The following TTC27 variants were observed in gnomAD, a reference collection of about 807,000 sequenced individuals.
TTC27 encodes the protein tetratricopeptide repeat protein 27.
TTC27 carries 79 observed loss-of-function variants against 115.9 expected under a neutral mutation model. That is an observed-to-expected ratio of 0.68 (90% CI 0.57 to 0.82). The LOEUF (loss-of-function observed/expected upper bound fraction) is 0.82. Ranked by LOEUF, TTC27 falls within the 40% of genes least tolerant of loss-of-function variation. The probability of loss-of-function intolerance (pLI) is 0.00; values close to 1 mark genes in which losing one functional copy is unlikely to be tolerated. For synonymous variants in TTC27, 401 were observed against 356.0 expected (o/e 1.13, Z -1.42); for missense variants, 1,054 against 993.1 (o/e 1.06, Z -0.82).
intron 12 of TTC27, among the ~76,000 whole-genome samples, chr2:32,737,794 G>C (rs1293699159): frequency 6.6e-6 from 1 of 152,002 alleles, no homozygotes; most frequent in African/African-American, 2.4e-5. Context: ...CTTGAGCCCA[G>C]GAGTTCAAGA....
chr2:32,806,581 C>G (rs540864905), intron 16 of TTC27, among the ~76,000 whole-genome samples: 145 of 152,118 alleles, frequency 9.5e-4, no homozygotes, highest in Middle Eastern at 6.8e-3. Context: ...GAGATCGAGA[C>G]CATCCTGGCT....
At chr2:32,747,724 G>C (rs558762077) in intron 12 of TTC27, among the ~76,000 whole-genome samples, 1 of 152,146 alleles carries the variant, frequency 6.6e-6, no homozygotes, top group Non-Finnish European at 1.5e-5. Flanking sequence ...ATAAATATTT[G>C]TAGAATGGTG....
chr2:32,727,213 C>G (rs1420723377), intron 10 of TTC27, among the ~76,000 whole-genome samples: 1 of 152,092 alleles, frequency 6.6e-6, no homozygotes, highest in Non-Finnish European at 1.5e-5. Flanking sequence ...AATATTGAGA[C>G]AAGATTTTTC....
At position 32,767,270 on chromosome 2, in the gene TTC27, A is replaced by T. The variant is rs376540779; in HGVS notation, c.1680+8751A>T. Reference sequence around the variant, plus strand: ...TTAATTGAATAAATTTATATCCTTTACTAGAGCAGACTGTAATAGAGGCCT... The same window carrying T: ...TTAATTGAATAAATTTATATCCTTTTCTAGAGCAGACTGTAATAGAGGCCT... On this transcript the variant is annotated intron_variant, in intron 13 of 19. Coordinates refer to ENST00000317907, the MANE Select transcript of TTC27 (RefSeq NM_017735.5). 2.0e-5 allele frequency among the ~76,000 whole-genome samples: 3 copies of T among 152,132 alleles called. No homozygotes were observed. The East Asian group carries it at 5.8e-4, about 29-fold the overall frequency.
intron 12 of TTC27, among the ~76,000 whole-genome samples, chr2:32,747,868 C>T (rs1294875386): frequency 1.3e-5 from 2 of 152,002 alleles, no homozygotes; most frequent in Non-Finnish European, 2.9e-5. Context: ...GTAGTAATGT[C>T]TCCTTTTCTT....
intron 14 of TTC27, among the ~76,000 whole-genome samples, chr2:32,779,860 A>G (rs535253549): frequency 6.6e-6 from 1 of 152,180 alleles, no homozygotes. Flanking sequence ...ATTCTTTTAC[A>G]TGTAGATATC....
At chr2:32,718,360 CAATT>C (rs1219834013) in intron 10 of TTC27, among the ~76,000 whole-genome samples, 2 of 151,966 alleles carry the variant, frequency 1.3e-5, no homozygotes, top group Non-Finnish European at 1.5e-5. Context: ...CCATTTTGAC[CAATT>C]AATAATATTT....
chr2:32,671,436 G>T (rs570176413), intron 7 of TTC27, among the ~76,000 whole-genome samples: 1 of 152,192 alleles, frequency 6.6e-6, no homozygotes, highest in South Asian at 2.1e-4. Flanking sequence ...GCCTCCCAAA[G>T]TTCTCTAATT....
rs1046932648 is a variant in TTC27 at position 32,664,350 on chromosome 2, G to T, written c.688G>T (p.Ala230Ser). Reference sequence around the variant, plus strand: ...TGTAGATGATTCAGGTCGATATTTGGCTATTCAATTCCATCTGGAATGTGC... The same window carrying T: ...TGTAGATGATTCAGGTCGATATTTGTCTATTCAATTCCATCTGGAATGTGC... ...LFVDDSGRYL[A>S]IQFHLECAYV... The change falls in exon 6 of 20, where the codon GCT (alanine) becomes TCT (serine). Residue 230 changes from alanine to serine, a missense_variant. Coordinates refer to ENST00000317907, the MANE Select transcript of TTC27 (RefSeq NM_017735.5). 6.2e-7 allele frequency: 1 copy of T among 1,610,596 alleles called. No individual in the cohort carries two copies. Among genetic ancestry groups the T allele is most frequent in the African/African-American group, 1.3e-5 (1 of 74,812 alleles).
In TTC27 at chr2:32,644,805, T is replaced by TTCCC. The variant is rs746119041; in HGVS notation, c.537+4415_537+4418dup. On this transcript the variant is annotated intron_variant, in intron 4 of 19. Coordinates refer to ENST00000317907, the MANE Select transcript of TTC27 (RefSeq NM_017735.5). ...TGGGTCTTTACTATATCATTCTTTTTTCCCTCCCTCCCTCCCTCCCTCCTT... is the reference window on the plus strand; with the variant it reads ...TGGGTCTTTACTATATCATTCTTTTTTCCCTCCCTCCCTCCCTCCCTCCCTCCTT... Among the ~76,000 whole-genome samples the TTCCC allele has an allele frequency of 7.9e-5, 12 of 151,240 alleles. No homozygotes were observed. In the East Asian group the frequency reaches 1.2e-3, roughly 15 times the overall value.
At chr2:32,682,732 G>T (rs1272870731) in intron 9 of TTC27, among the ~76,000 whole-genome samples, 1 of 149,090 alleles carries the variant, frequency 6.7e-6, no homozygotes, top group Non-Finnish European at 1.5e-5. Flanking sequence ...GCAATGGCGC[G>T]ATCTCAACTC....
At chr2:32,815,150 A>G (rs1355731450) in intron 18 of TTC27, among the ~76,000 whole-genome samples, 2 of 149,912 alleles carry the variant, frequency 1.3e-5, no homozygotes, top group African/African-American at 4.9e-5. Flanking sequence ...GCTCTTTGCC[A>G]TCCAGGAGTT....
chr2:32,649,614 G>A (rs1427513540), intron 4 of TTC27, among the ~76,000 whole-genome samples: 1 of 150,502 alleles, frequency 6.6e-6, no homozygotes, highest in Non-Finnish European at 1.5e-5. Flanking sequence ...GTGCATCCTC[G>A]GCTCACTGCA....
At chr2:32,686,808 G>T (rs1344532377) in intron 9 of TTC27, among the ~76,000 whole-genome samples, 1 of 152,008 alleles carries the variant, frequency 6.6e-6, no homozygotes, top group Non-Finnish European at 1.5e-5. Flanking sequence ...TTTTTTGCTT[G>T]GAAGAAGGGA....
At chr2:32,804,372 A>G (rs1049344620) in intron 16 of TTC27, among the ~76,000 whole-genome samples, 3 of 152,220 alleles carry the variant, frequency 2.0e-5, no homozygotes. Flanking sequence ...AAGGTTCAGT[A>G]ATAAAAAAGT....
intron 7 of TTC27, among the ~76,000 whole-genome samples, chr2:32,668,788 T>A (rs979154731): frequency 2.0e-5 from 3 of 151,900 alleles, no homozygotes; most frequent in African/African-American, 4.8e-5. Flanking sequence ...TATTTTATTT[T>A]AAAAATTTTG....
chr2:32,742,381 T>G (rs1309136246), intron 12 of TTC27, among the ~76,000 whole-genome samples: 1 of 152,238 alleles, frequency 6.6e-6, no homozygotes, highest in Non-Finnish European at 1.5e-5. Context: ...AAGCCTGTTT[T>G]TAATTACTCT....
chr2:32,763,515 G>A (rs1669517738), intron 13 of TTC27, among the ~76,000 whole-genome samples: 1 of 152,158 alleles, frequency 6.6e-6, no homozygotes. Flanking sequence ...AGTTGTATCT[G>A]GAAAGGGTTA....
rs536182220 is a variant in TTC27, at chr2:32,754,913, C to T, written c.1453-3379C>T. ...CCTCCCTCCCGGACGGGGTGGCTGC[C>T]GGGCGGGGATGCTCCTCACTTCCCA... On this transcript the variant is annotated intron_variant, in intron 12 of 19. Coordinates refer to ENST00000317907, the MANE Select transcript of TTC27 (RefSeq NM_017735.5). Among the ~76,000 whole-genome samples the T allele has an allele frequency of 4.2e-4, 63 of 151,528 alleles. 1 individual carries two copies. The highest frequency in any genetic ancestry group is 1.4e-3 in the African/African-American group (56 of 41,302).
Sources: allele counts gnomAD v4.1 joint callset (sites outside exome capture counted in the v4.1 genomes callset), GRCh38; gene constraint gnomAD v4.1.1; transcripts MANE v1.5; gene names NCBI Gene and HGNC (gene_info 2026-07-23, HGNC 2026-07-21).